Variants in ARHGEF10L observed in about 807,000 individuals in gnomAD.
The protein encoded by ARHGEF10L is Rho guanine nucleotide exchange factor 10 like.
ARHGEF10L carries 69 observed loss-of-function variants against 141.2 expected under a neutral mutation model. The observed-to-expected ratio is 0.49, with a 90% CI of 0.40 to 0.60. ARHGEF10L has a LOEUF of 0.60. ARHGEF10L is among the 20% of genes least tolerant of loss of function. The probability of loss-of-function intolerance (pLI) is 0.00; values close to 1 mark genes in which losing one functional copy is unlikely to be tolerated. For missense variants in ARHGEF10L, 1,482 were observed against 1,734.3 expected (o/e 0.85, Z 2.58); for synonymous variants, 711 against 718.5 (o/e 0.99, Z 0.17).
chr1:17,632,599 C>A (rs1171060637), intron 16 of ARHGEF10L, 133 bp downstream of exon 16: 1 of 1,195,584 alleles, frequency 8.4e-7, no homozygotes. Context: ...ATATTCCTCT[C>A]CCATCCCTCT....
chr1:17,622,595 G>A lies in ARHGEF10L; in HGVS notation c.1021-401G>A, dbSNP rs186199201. ...TCCTAGGCATCAGGCAGGTAGAGAT[G>A]AATATATCACCTGTCTCTGACAAAG... On this transcript the variant is annotated intron_variant, in intron 11 of 28. Transcript: ENST00000361221. Among the ~76,000 whole-genome samples, 21 of 152,288 alleles carry A rather than the reference G, an allele frequency of 1.4e-4. No individual in the cohort carries two copies. In the East Asian group the frequency reaches 4.1e-3, roughly 29 times the overall value.
upstream of ARHGEF10L, among the ~76,000 whole-genome samples, chr1:17,535,220 A>G (rs528254346): frequency 1.4e-4 from 21 of 152,276 alleles, no homozygotes; most frequent in Non-Finnish European, 2.2e-4. Flanking sequence ...GATCCCTCAC[A>G]TGCACAGTTC....
chr1:17,601,086 TA>T (rs1485811836), intron 4 of ARHGEF10L, among the ~76,000 whole-genome samples: 1 of 148,506 alleles, frequency 6.7e-6, no homozygotes, highest in African/African-American at 2.5e-5. Flanking sequence ...CAAAAAACTC[TA>T]AAAAAACAAA....
chr1:17,602,202 G>T lies in ARHGEF10L; in HGVS notation c.333G>T (p.Arg111=). ...FSGARHSSWK[R]KSSRRIDRFT... Reference sequence around the variant, plus strand: ...GGGCCCGGCACTCCAGCTGGAAGCGGAAGAGTTCCCGTCGCAGTAAGTCTC... The same window carrying T: ...GGGCCCGGCACTCCAGCTGGAAGCGTAAGAGTTCCCGTCGCAGTAAGTCTC... The change falls in exon 5 of 29, where the codon CGG becomes CGT. Residue 111 remains arginine, a synonymous_variant. Coordinates refer to ENST00000361221, the MANE Select transcript of ARHGEF10L (RefSeq NM_018125.4). 6.3e-7 allele frequency: 1 copy of T among 1,575,450 alleles called. No individual in the cohort carries two copies. Among genetic ancestry groups the T allele is most frequent in the Non-Finnish European group, 8.6e-7 (1 of 1,160,330 alleles).
chr1:17,646,241 C>G (rs1173936319), intron 21 of ARHGEF10L, among the ~76,000 whole-genome samples: 3 of 152,210 alleles, frequency 2.0e-5, no homozygotes, highest in African/African-American at 7.2e-5. Context: ...CATTCAGGTG[C>G]CACCTCTCTC....
chr1:17,664,625 TG>T, intron 26 of ARHGEF10L, 30 bp downstream of exon 26: 1 of 1,494,448 alleles, frequency 6.7e-7, no homozygotes. Flanking sequence ...CTTGTGGCCC[TG>T]GAGGCCTGCC....
chr1:17,595,489 G>A (rs912263460), intron 4 of ARHGEF10L, among the ~76,000 whole-genome samples: 1 of 152,108 alleles, frequency 6.6e-6, no homozygotes. Flanking sequence ...CAGAGGCCTC[G>A]ACGCTCACTC....
intron 7 of ARHGEF10L, among the ~76,000 whole-genome samples, chr1:17,611,732 T>G (rs2059560955): frequency 6.6e-6 from 1 of 152,212 alleles, no homozygotes; most frequent in South Asian, 2.1e-4. Flanking sequence ...ATGGCCACTT[T>G]ACCAGTGAGG....
chr1:17,623,652 A>G lies in ARHGEF10L; in HGVS notation c.1200+477A>G, dbSNP rs747236245. Among the ~76,000 whole-genome samples, 7 of 152,190 alleles carry G rather than the reference A, an allele frequency of 4.6e-5. No individual in the cohort carries two copies. The highest frequency in any genetic ancestry group is 1.0e-4 in the Non-Finnish European group (7 of 68,044). On this transcript the variant is annotated intron_variant, in intron 12 of 28. Transcript: ENST00000361221. The surrounding 1 kb of genome is among the most constrained non-coding windows in gnomAD (Gnocchi z 4.7). The stretch of plus-strand genomic sequence containing the variant: ...CAGTTCTGCAACCTAGGGCAGGTCC[A>G]GGGCCCACTCTGAGCCCAGGCTTGC...
upstream of ARHGEF10L, among the ~76,000 whole-genome samples, chr1:17,535,466 G>A (rs1291591843): frequency 6.6e-6 from 1 of 152,224 alleles, no homozygotes; most frequent in Non-Finnish European, 1.5e-5. Flanking sequence ...TGGGAGCGGG[G>A]CCAGACTGGG....
At chr1:17,672,184 C>T (rs2063363190) in intron 26 of ARHGEF10L, among the ~76,000 whole-genome samples, 2 of 150,342 alleles carry the variant, frequency 1.3e-5, no homozygotes, top group Non-Finnish European at 3.0e-5. Flanking sequence ...TTGATTTCCC[C>T]TGCCCACCCC....
At chr1:17,636,082 C>T (rs1038535060) in intron 18 of ARHGEF10L, among the ~76,000 whole-genome samples, 14 of 152,192 alleles carry the variant, frequency 9.2e-5, no homozygotes, top group East Asian at 3.9e-4. Flanking sequence ...GTGCCTTCCT[C>T]GGAGGCACCT....
the ARHGEF10L span, among the ~76,000 whole-genome samples, chr1:17,518,392 C>G: frequency 6.6e-6 from 1 of 152,178 alleles, no homozygotes; most frequent in Non-Finnish European, 1.5e-5. Flanking sequence ...AAGGGCAGAG[C>G]AAGTGTGTGT....
At chr1:17,516,999 T>G in the ARHGEF10L span, among the ~76,000 whole-genome samples, 2 of 152,202 alleles carry the variant, frequency 1.3e-5, no homozygotes, top group Non-Finnish European at 2.9e-5. Context: ...TATTTCATAA[T>G]CAGAGCCAGG....
In ARHGEF10L at chr1:17,627,303, T is replaced by C; in HGVS notation, c.1411-27T>C. On this transcript the variant is annotated intron_variant, in intron 14 of 28. Transcript: ENST00000361221. The surrounding 1 kb of genome is among the most constrained non-coding windows in gnomAD (Gnocchi z 4.0). ...GGGGTAGAGTTGGTCATGGGTGGGC[T>C]GCTCAGTCTCTGCTCTGACCTGGCA... The C allele has an allele frequency of 6.2e-7, 1 of 1,605,584 alleles. No individual in the cohort carries two copies. The highest frequency in any genetic ancestry group is 2.2e-5 in the East Asian group (1 of 44,658).
rs566237899 is a variant in ARHGEF10L, at chr1:17,697,855, A to C, written c.*475A>C. ...CTGGGAGATGCTGGAATAAAAGACA[A>C]GAGTTACATCTGGACTTGGATTGAG... On this transcript the variant is annotated 3_prime_UTR_variant, in exon 29 of 29. Transcript: ENST00000361221. The surrounding 1 kb of genome is among the most constrained non-coding windows in gnomAD (Gnocchi z 4.8). The C allele has an allele frequency of 1.7e-5, 4 of 234,844 alleles. No individual in the cohort carries two copies. The highest frequency in any genetic ancestry group is 6.7e-5 in the African/African-American group (3 of 44,514). 14.5% of individuals were successfully genotyped at this position (234,844 alleles called of 1,614,324 possible).
Position 17,615,970 on chromosome 1 carries a change from C to A in ARHGEF10L, c.727-124C>A, listed in dbSNP as rs2059785942. The A allele has an allele frequency of 4.0e-6, 3 of 756,618 alleles. No homozygotes were observed. The highest frequency in any genetic ancestry group is 2.5e-5 in the East Asian group (1 of 40,246). 46.9% of individuals were successfully genotyped at this position (756,618 alleles called of 1,614,324 possible). ...GTCGTCCTTGGCCTTTGCTCACGGACCTGGGAGGGAAGGGTCTGGGTGGTT... is the reference window on the plus strand; with the variant it reads ...GTCGTCCTTGGCCTTTGCTCACGGAACTGGGAGGGAAGGGTCTGGGTGGTT... On this transcript the variant is annotated intron_variant, in intron 8 of 28. Coordinates refer to ENST00000361221, the MANE Select transcript of ARHGEF10L (RefSeq NM_018125.4). This position sits in a 1 kb window ranked among gnomAD's most constrained non-coding sequence, Gnocchi z 4.7.
intron 26 of ARHGEF10L, among the ~76,000 whole-genome samples, chr1:17,665,145 G>GC (rs1417657218): frequency 6.6e-6 from 1 of 152,222 alleles, no homozygotes; most frequent in Admixed American, 6.5e-5. Flanking sequence ...CTTCACACCT[G>GC]CAGTCCATCC....
Position 17,656,477 on chromosome 1 carries a change from C to T in ARHGEF10L, c.2706-77C>T, listed in dbSNP as rs926759634. ...GGGGTCAGCTCCCTGGGGCCCTCTC[C>T]CTAGGAGGGCATGGGGGCAGTGAGT... On this transcript the variant is annotated intron_variant, in intron 24 of 28. Transcript: ENST00000361221. The surrounding 1 kb of genome is among the most constrained non-coding windows in gnomAD (Gnocchi z 4.9). 5.2e-6 allele frequency: 8 copies of T among 1,530,428 alleles called. No individual in the cohort carries two copies. Among genetic ancestry groups the T allele is most frequent in the Non-Finnish European group, 6.2e-6 (7 of 1,124,198 alleles). The allele number at this position is 1,530,428 out of a possible 1,614,324, so 94.8% of individuals were successfully genotyped here. A position where few individuals can be genotyped will look rare whatever the true frequency, so the allele number is the denominator to read the frequency against.
Sources: gnomAD v4.1 joint callset for allele counts (sites outside exome capture counted in the v4.1 genomes callset) on GRCh38, gnomAD v4.1.1 for gene constraint, Gnocchi (gnomAD v3.1) non-coding constraint, MANE v1.5 for transcripts, NCBI Gene and HGNC (gene_info 2026-07-23, HGNC 2026-07-21) for gene names.